Variants in EP400 observed in about 807,000 individuals in gnomAD.
EP400 encodes E1A-binding protein p400.
A neutral mutation model predicts 354.1 loss-of-function variants in EP400; 105 were observed. The observed-to-expected ratio is 0.30, with a 90% CI of 0.25 to 0.35. EP400 has a LOEUF of 0.35. EP400 is among the 10% of genes least tolerant of loss of function. EP400 has a pLI of 1.00. For missense variants in EP400, 3,280 were observed against 4,121.0 expected (o/e 0.80, Z 5.59); for synonymous variants, 1,646 against 1,716.9 (o/e 0.96, Z 1.02).
In EP400 at chr12:132,069,606, C is replaced by G. The variant is rs199535788; in HGVS notation, c.8986C>G (p.Leu2996Val). 1.2e-6 allele frequency: 2 copies of G among 1,614,246 alleles called. No homozygotes were observed. The highest frequency in any genetic ancestry group is 8.5e-7 in the Non-Finnish European group (1 of 1,180,024). The part of the protein sequence containing the change: ...LTTPISQAQK[L>V]AGAQQVQTQI... The stretch of plus-strand genomic sequence containing the variant: ...CACACCCATCTCCCAGGCCCAGAAA[C>G]TGGCCGGGGCCCAGCAAGTGCAGAC... Residue 2996 changes from leucine (L) to valine (V), a missense_variant, in exon 51 of 53, where the codon CTG (leucine) becomes GTG (valine). This residue lies in a region of EP400 where 279 missense variants were observed against 386.7 expected (regional missense o/e 0.72). Coordinates refer to ENST00000389561, the MANE Select transcript of EP400 (RefSeq NM_015409.5).
At chr12:132,064,089 C>T (rs1360944862) in intron 47 of EP400, among the ~76,000 whole-genome samples, 2 of 150,302 alleles carry the variant, frequency 1.3e-5, no homozygotes, top group East Asian at 3.9e-4. Flanking sequence ...ACTGATGACC[C>T]CCCGGCCTAC....
At chr12:131,991,539 G>T (rs1566176481) in intron 10 of EP400, 83 bp downstream of exon 10, 3 of 1,217,358 alleles carry the variant, frequency 2.5e-6, no homozygotes, top group Non-Finnish European at 3.6e-6. Flanking sequence ...CTTATCCAGA[G>T]GAATTTGTAG....
chr12:131,963,098 T>A (rs1334168767), intron 2 of EP400, among the ~76,000 whole-genome samples: 1 of 152,252 alleles, frequency 6.6e-6, no homozygotes, highest in Admixed American at 6.5e-5. Context: ...ATACCAATGT[T>A]GTCTGTAAGC....
intron 15 of EP400, 143 bp from the exon 16 acceptor site, chr12:132,011,355 T>C (rs972044798): frequency 2.0e-5 from 20 of 1,013,928 alleles, no homozygotes; most frequent in East Asian, 1.0e-4. Flanking sequence ...AATGCACTTG[T>C]TCCCCCCCAA....
At chr12:132,059,370 GA>G (rs1298549949) in intron 45 of EP400, among the ~76,000 whole-genome samples, 2 of 152,054 alleles carry the variant, frequency 1.3e-5, no homozygotes, top group Non-Finnish European at 2.9e-5. Flanking sequence ...GCATGGTGGG[GA>G]CGGCCCCCGA....
chr12:132,067,599 G>T lies in EP400; in HGVS notation c.8874+113G>T. ...CATGTGGCGGCTCACGCTTTTCAGA[G>T]GGTGGCTTCAAGGGCTGGAGGTGCT... On this transcript the variant is annotated intron_variant, in intron 50 of 52. Coordinates refer to ENST00000389561, the MANE Select transcript of EP400 (RefSeq NM_015409.5). This position sits in a 1 kb window ranked among gnomAD's most constrained non-coding sequence, Gnocchi z 5.3. 4.1e-6 allele frequency: 6 copies of T among 1,465,090 alleles called. No individual in the cohort carries two copies. The highest frequency in any genetic ancestry group is 4.6e-6 in the Non-Finnish European group (5 of 1,096,334). The allele number at this position is 1,465,090 out of a possible 1,614,324, so 90.8% of individuals were successfully genotyped here. A position where few individuals can be genotyped will look rare whatever the true frequency, so the allele number is the denominator to read the frequency against.
rs900727043 is a variant in EP400, at chr12:132,018,106, G to A, written c.4111-104G>A. On this transcript the variant is annotated intron_variant, in intron 20 of 52. Transcript: ENST00000389561. This position sits in a 1 kb window ranked among gnomAD's most constrained non-coding sequence, Gnocchi z 4.0. ...GCCGAGTGGCCGTTAGAGGGGGCGC[G>A]TCTGGATGCCCACGTTAGGGCCCTG... 1.9e-5 allele frequency: 27 copies of A among 1,448,574 alleles called. No homozygotes were observed. In the Admixed American group the frequency reaches 3.6e-4, roughly 20 times the overall value. 89.7% of individuals were successfully genotyped at this position (1,448,574 alleles called of 1,614,324 possible). A position where few individuals can be genotyped will look rare whatever the true frequency, so the allele number is the denominator to read the frequency against.
chr12:132,061,006 T>C (rs924443925), intron 45 of EP400, among the ~76,000 whole-genome samples: 2 of 151,476 alleles, frequency 1.3e-5, no homozygotes, highest in African/African-American at 2.4e-5. Context: ...CTGAATGATA[T>C]GCTTTAAGCA....
At chr12:132,040,994 T>C (rs1894884182) in intron 32 of EP400, among the ~76,000 whole-genome samples, 10 of 151,822 alleles carry the variant, frequency 6.6e-5, no homozygotes, top group Admixed American at 6.6e-4. Flanking sequence ...CTGGGGGACA[T>C]GTGGGGGCAG....
rs1230041511 is a variant in EP400 at position 132,045,439 on chromosome 12, A to G, written c.6905A>G (p.Asn2302Ser). Reference sequence around the variant, plus strand: ...AGAGAGGGCAAGGAGCAGAAGAAGAATATTCTGCTGAAGCAGCAGGTGCCA... The same window carrying G: ...AGAGAGGGCAAGGAGCAGAAGAAGAGTATTCTGCTGAAGCAGCAGGTGCCA... ...IRREGKEQKK[N>S]ILLKQQVPFA... Residue 2302 changes from asparagine to serine, a missense_variant, in exon 38 of 53, where the codon AAT (asparagine) becomes AGT (serine). Transcript: ENST00000389561. 6.2e-7 allele frequency: 1 copy of G among 1,614,118 alleles called. No individual in the cohort carries two copies. The highest frequency in any genetic ancestry group is 1.3e-5 in the African/African-American group (1 of 74,938).
At chr12:132,046,041 G>A (rs949200511) in intron 39 of EP400, 141 bp downstream of exon 39, 3 of 1,086,614 alleles carry the variant, frequency 2.8e-6, no homozygotes, top group African/African-American at 3.2e-5. Context: ...ATCTCCTTGG[G>A]CTCCTGGTGG....
At position 132,018,298 on chromosome 12, in the gene EP400, C is replaced by G. The variant is rs769289977; in HGVS notation, c.4199C>G (p.Pro1400Arg). The G allele has an allele frequency of 1.9e-6, 3 of 1,613,384 alleles. No homozygotes were observed. The highest frequency in any genetic ancestry group is 1.7e-6 in the Non-Finnish European group (2 of 1,179,914). Residue 1400 changes from proline to arginine, a missense_variant, in exon 21 of 53, where the codon CCG (proline) becomes CGG (arginine). By Grantham distance (103) the Pro-to-Arg change is moderately radical (BLOSUM62 -2). Coordinates refer to ENST00000389561, the MANE Select transcript of EP400 (RefSeq NM_015409.5). The surrounding 1 kb of genome is among the most constrained non-coding windows in gnomAD (Gnocchi z 4.0). ...GAGTTGCTGTCTAAGAAAAAGATACCGCGGAAACTCATGGAGGAAATCTCC... is the reference window on the plus strand; with the variant it reads ...GAGTTGCTGTCTAAGAAAAAGATACGGCGGAAACTCATGGAGGAAATCTCC... ...EAELLSKKKI[P>R]RKLMEEISTS...
At chr12:131,996,996 A>G (rs74923371) in intron 12 of EP400, among the ~76,000 whole-genome samples, 2,594 of 152,284 alleles carry the variant, frequency 0.017, 72 homozygotes, top group African/African-American at 0.059. Flanking sequence ...AATGTTGTCA[A>G]TAAGTTCCTG....
At chr12:132,036,435 C>A (rs909388435) in intron 30 of EP400, among the ~76,000 whole-genome samples, 1 of 151,960 alleles carries the variant, frequency 6.6e-6, no homozygotes, top group African/African-American at 2.4e-5. Context: ...CATGGAGCAT[C>A]ATGGAACAAC....
At chr12:132,049,493 G>A (rs1442035756) in intron 39 of EP400, among the ~76,000 whole-genome samples, 1 of 152,192 alleles carries the variant, frequency 6.6e-6, no homozygotes, top group East Asian at 1.9e-4. Context: ...GAGGACACAT[G>A]TGCACACAGA....
chr12:132,053,320 C>CCT lies in EP400; in HGVS notation c.7474-20_7474-19dup, dbSNP rs746073223. On this transcript the variant is annotated intron_variant, in intron 42 of 52. Transcript: ENST00000389561. ...GGCCGAGTCTGCCCCTCCAGTGGCTCCTCTTCCTTCCTGGCCCCTCAGGCT... is the reference window on the plus strand; with the variant it reads ...GGCCGAGTCTGCCCCTCCAGTGGCTCCTCTCTTCCTTCCTGGCCCCTCAGGCT... The CCT allele has an allele frequency of 2.5e-6, 4 of 1,592,922 alleles. No individual in the cohort carries two copies. The East Asian group carries it at 8.9e-5, about 36-fold the overall frequency.
chr12:131,957,267 C>T (rs534880313), intron 1 of EP400, among the ~76,000 whole-genome samples: 3 of 152,104 alleles, frequency 2.0e-5, no homozygotes, highest in East Asian at 1.9e-4. Context: ...AGCTTTTTGT[C>T]GTACCTAGTT....
chr12:131,954,640 G>A (rs1891630561), intron 1 of EP400, among the ~76,000 whole-genome samples: 1 of 148,848 alleles, frequency 6.7e-6, no homozygotes, highest in African/African-American at 2.5e-5. Context: ...CAGGAGAATC[G>A]CTTGAACCCG....
chr12:131,987,171 C>T (rs1196890386), intron 6 of EP400, among the ~76,000 whole-genome samples: 1 of 152,162 alleles, frequency 6.6e-6, no homozygotes, highest in Non-Finnish European at 1.5e-5. Flanking sequence ...AGAGTCACTG[C>T]CCAGCCCTTA....
Sources: gnomAD v4.1 joint callset for allele counts (sites outside exome capture counted in the v4.1 genomes callset) on GRCh38, gnomAD v4.1.1 for gene constraint, gnomAD v4.1.1 regional missense constraint, Gnocchi (gnomAD v3.1) non-coding constraint, MANE v1.5 for transcripts, NCBI Gene and HGNC (gene_info 2026-07-23, HGNC 2026-07-21) for gene names.